FAT3: variants seen among roughly 807,000 people sequenced by gnomAD.
FAT3 encodes the protein protocadherin Fat 3.
In FAT3, 95 loss-of-function variants were observed where a neutral mutation model predicts 310.2. The observed-to-expected ratio is 0.31, with a 90% CI of 0.26 to 0.36. FAT3 has a LOEUF of 0.36. Ranked by LOEUF, FAT3 falls within the 10% of genes least tolerant of loss-of-function variation. FAT3 has a pLI of 1.00. For missense variants in FAT3, 5,408 were observed against 5,715.6 expected (o/e 0.95, Z 1.74); for synonymous variants, 2,314 against 2,192.9 (o/e 1.06, Z -1.54).
intron 2 of FAT3, among the ~76,000 whole-genome samples, chr11:92,504,421 A>T (rs987713196): frequency 3.9e-5 from 6 of 152,136 alleles, no homozygotes; most frequent in African/African-American, 1.4e-4. Flanking sequence ...AGGGTTTCCA[A>T]AAGACTGTTG....
intron 6 of FAT3, among the ~76,000 whole-genome samples, chr11:92,767,948 C>T (rs748980656): frequency 3.3e-5 from 5 of 152,118 alleles, no homozygotes; most frequent in Admixed American, 2.0e-4. Flanking sequence ...CTACTGGCCA[C>T]GGCAACCTAC....
intron 2 of FAT3, among the ~76,000 whole-genome samples, chr11:92,511,784 AG>A (rs1196274386): frequency 6.6e-6 from 1 of 152,232 alleles, no homozygotes; most frequent in East Asian, 1.9e-4. Flanking sequence ...TGGATATTAA[AG>A]GAAGAGTTGG....
chr11:92,814,174 C>T (rs1176852035), intron 13 of FAT3, among the ~76,000 whole-genome samples: 3 of 152,178 alleles, frequency 2.0e-5, no homozygotes, highest in Non-Finnish European at 4.4e-5. Flanking sequence ...ATTACGAAGT[C>T]TCAGGTATTT....
chr11:92,522,439 G>A (rs1465068808), intron 2 of FAT3, among the ~76,000 whole-genome samples: 1 of 152,074 alleles, frequency 6.6e-6, no homozygotes, highest in Admixed American at 6.6e-5. Flanking sequence ...AAAATAGATG[G>A]TCCTTTATCA....
intron 3 of FAT3, among the ~76,000 whole-genome samples, chr11:92,605,251 G>A (rs748615969): frequency 7.2e-5 from 11 of 152,176 alleles, no homozygotes; most frequent in East Asian, 1.9e-4. Flanking sequence ...AGTGTCAAAC[G>A]CAACCTTCCC....
At chr11:92,720,820 A>T (rs1263061102) in intron 4 of FAT3, among the ~76,000 whole-genome samples, 1 of 152,208 alleles carries the variant, frequency 6.6e-6, no homozygotes, top group African/African-American at 2.4e-5. Context: ...TGTGCTTCAA[A>T]TTCAAAATAT....
At chr11:92,528,495 T>C (rs112578117) in intron 3 of FAT3, among the ~76,000 whole-genome samples, 6,059 of 152,246 alleles carry the variant, frequency 0.04, 393 homozygotes, top group African/African-American at 0.14. Context: ...CACGCCATTC[T>C]CCTGCCTCAG....
At position 92,354,400 on chromosome 11, in the gene FAT3, T is replaced by C. The variant is rs1948669102; in HGVS notation, c.2288T>C (p.Phe763Ser). The part of the protein sequence containing the change: ...ADSGFNGKVL[F>S]TISDGNTDSC... ...TCTGGCTTCAATGGAAAAGTGCTAT[T>C]TACAATATCAGATGGAAATACGGAT... is the stretch of plus-strand genomic sequence containing the variant. Residue 763 changes from phenylalanine (F) to serine (S), a missense_variant, in exon 2 of 28, where the codon TTT becomes TCT. Phe to Ser is a radical substitution (Grantham distance 155). Transcript: ENST00000525166. 1 of 1,613,906 alleles carries C rather than the reference T, an allele frequency of 6.2e-7. No homozygotes were observed. The highest frequency in any genetic ancestry group is 1.7e-5 in the Admixed American group (1 of 59,982).
chr11:92,477,756 T>C lies in FAT3; in HGVS notation c.3293-46878T>C, dbSNP rs368525709. Reference sequence around the variant, plus strand: ...CCGAGTAAATATCTAAGGTTGAATGTATTCAAGGTTCACTGATTTTTTCTA... The same window carrying C: ...CCGAGTAAATATCTAAGGTTGAATGCATTCAAGGTTCACTGATTTTTTCTA... On this transcript the variant is annotated intron_variant, in intron 2 of 27. Transcript: ENST00000525166. 6.6e-5 allele frequency among the ~76,000 whole-genome samples: 10 copies of C among 152,358 alleles called. No homozygotes were observed. The South Asian group carries it at 1.9e-3, about 28-fold the overall frequency.
At chr11:92,634,448 A>G (rs529404547) in intron 3 of FAT3, among the ~76,000 whole-genome samples, 6 of 152,286 alleles carry the variant, frequency 3.9e-5, no homozygotes, top group South Asian at 2.1e-4. Context: ...ATCTCCTCCT[A>G]TACTGAAGAT....
chr11:92,548,083 CA>C (rs1954673907), intron 3 of FAT3, among the ~76,000 whole-genome samples: 1 of 152,108 alleles, frequency 6.6e-6, no homozygotes, highest in Non-Finnish European at 1.5e-5. Context: ...TTATTAATCC[CA>C]AGGCCTCAGT....
intron 2 of FAT3, among the ~76,000 whole-genome samples, chr11:92,458,580 C>A (rs1436211599): frequency 1.4e-5 from 1 of 69,868 alleles, no homozygotes; most frequent in Non-Finnish European, 4.4e-5. Flanking sequence ...CCCTTCCCAG[C>A]CACCAGCAGA....
rs746093230 is a variant in FAT3 at position 92,764,847 on chromosome 11, G to A, written c.3985-32G>A. The A allele has an allele frequency of 1.8e-5, 28 of 1,598,602 alleles. No individual in the cohort carries two copies. In the South Asian group the frequency reaches 2.3e-4, roughly 13 times the overall value. On this transcript the variant is annotated intron_variant, in intron 5 of 27. Coordinates refer to ENST00000525166, the MANE Select transcript of FAT3 (RefSeq NM_001367949.2). ...AACTCTACAACAATCAGAGGTCTGA[G>A]ACATCTTTCTCTTCTCTCCCTGTGT... is the stretch of plus-strand genomic sequence containing the variant.
At chr11:92,638,485 T>G (rs990353736) in intron 3 of FAT3, among the ~76,000 whole-genome samples, 1 of 152,214 alleles carries the variant, frequency 6.6e-6, no homozygotes, top group Admixed American at 6.5e-5. Context: ...ATAAGCTGTA[T>G]TGTGAATTTG....
intron 1 of FAT3, among the ~76,000 whole-genome samples, chr11:92,229,518 T>TTTTTTTTTTTTTTTTC (rs1297781112): frequency 7.5e-6 from 1 of 132,998 alleles, no homozygotes; most frequent in Non-Finnish European, 1.6e-5. Context: ...TTTTTTGTTT[T>TTTTTTTTTTTTTTTTC]TTTTTACATT....
At chr11:92,365,579 A>G (rs1948996499) in intron 2 of FAT3, among the ~76,000 whole-genome samples, 1 of 152,134 alleles carries the variant, frequency 6.6e-6, no homozygotes, top group Non-Finnish European at 1.5e-5. Flanking sequence ...ATGATTTTTA[A>G]TTGCATATCA....
In FAT3 at chr11:92,797,700, C is replaced by T. The variant is rs567819932; in HGVS notation, c.4823-136C>T. On this transcript the variant is annotated intron_variant, in intron 9 of 27. Coordinates refer to ENST00000525166, the MANE Select transcript of FAT3 (RefSeq NM_001367949.2). Reference sequence around the variant, plus strand: ...GAAAGAGAAGCCTCTCATTTTATTTCAGAATGACACAGATGAGTACTATAA... The same window carrying T: ...GAAAGAGAAGCCTCTCATTTTATTTTAGAATGACACAGATGAGTACTATAA... 5.3e-5 allele frequency: 38 copies of T among 723,464 alleles called. No individual in the cohort carries two copies. The South Asian group carries it at 7.6e-4, about 14-fold the overall frequency. 44.8% of individuals were successfully genotyped at this position (723,464 alleles called of 1,614,324 possible). A position where few individuals can be genotyped will look rare whatever the true frequency, so the allele number is the denominator to read the frequency against.
chr11:92,764,321 A>G (rs1033490965), intron 5 of FAT3, among the ~76,000 whole-genome samples: 1 of 152,118 alleles, frequency 6.6e-6, no homozygotes, highest in African/African-American at 2.4e-5. Flanking sequence ...TCCCTTTCCC[A>G]GCCCACTCTA....
chr11:92,289,836 A>G (rs552062266), intron 1 of FAT3, among the ~76,000 whole-genome samples: 2 of 152,130 alleles, frequency 1.3e-5, no homozygotes, highest in East Asian at 1.9e-4. Flanking sequence ...TTTGCAACAC[A>G]TCAGCTCAGT....
Sources: allele counts gnomAD v4.1 joint callset (sites outside exome capture counted in the v4.1 genomes callset), GRCh38; gene constraint gnomAD v4.1.1; transcripts MANE v1.5; gene names NCBI Gene and HGNC (gene_info 2026-07-23, HGNC 2026-07-21).